The following NAV2 variants were observed in gnomAD, a reference collection of about 807,000 sequenced individuals.
NAV2 encodes helicase, APC down-regulated 1.
Under a neutral mutation model 223.2 loss-of-function variants are expected in NAV2, and 54 were observed. The observed-to-expected ratio is 0.24, with a 90% CI of 0.19 to 0.30. NAV2 has a LOEUF of 0.30. Ranked by LOEUF, NAV2 falls within the 10% of genes least tolerant of loss-of-function variation. The pLI, the probability that NAV2 is intolerant of heterozygous loss-of-function variation, is 1.00. For synonymous variants in NAV2, 1,279 were observed against 1,239.3 expected, an observed-to-expected ratio of 1.03 and a Z score of -0.67; for missense variants, 2,806 against 3,147.5, an observed-to-expected ratio of 0.89 and a Z score of 2.60.
intron 1 of NAV2, among the ~76,000 whole-genome samples, chr11:19,466,211 A>G (rs927519749): frequency 2.0e-5 from 3 of 152,250 alleles, no homozygotes; most frequent in Non-Finnish European, 2.9e-5. Flanking sequence ...GTGACAGGCC[A>G]AGGGAATGGG....
At chr11:19,763,801 T>G (rs1306846233) in intron 1 of NAV2, among the ~76,000 whole-genome samples, 13 of 73,296 alleles carry the variant, frequency 1.8e-4, no homozygotes, top group Middle Eastern at 6.8e-3. Flanking sequence ...GTTTTTTTTG[T>G]TTTTTTTTTA....
Position 19,849,975 on chromosome 11 carries a change from G to GAT in NAV2, c.438+7052_438+7053insAT, listed in dbSNP as rs560465211. The stretch of plus-strand genomic sequence containing the variant: ...CCCATTTCCCTCTCCATACTCTTTA[G>GAT]CACGGAATAGAAGATCCTTCAAGAT... On this transcript the variant is annotated intron_variant, in intron 3 of 37. Transcript: ENST00000349880. Among the ~76,000 whole-genome samples the GAT allele has an allele frequency of 6.8e-4, 104 of 152,160 alleles. 2 individuals carry two copies. The East Asian group carries it at 0.011, about 16-fold the overall frequency.
intron 1 of NAV2, among the ~76,000 whole-genome samples, chr11:19,380,061 C>T (rs1409685516): frequency 6.6e-6 from 1 of 152,112 alleles, no homozygotes; most frequent in African/African-American, 2.4e-5. Flanking sequence ...TTCCAGGCTC[C>T]TGCATAACAC....
chr11:19,727,170 C>T (rs114338058), intron 1 of NAV2, among the ~76,000 whole-genome samples: 4,233 of 152,236 alleles, frequency 0.028, 203 homozygotes, highest in African/African-American at 0.095. Context: ...GAAGGGAAAC[C>T]CAGTCTTCAA....
intron 11 of NAV2, among the ~76,000 whole-genome samples, chr11:20,007,798 G>T (rs867616906): frequency 6.6e-6 from 1 of 152,186 alleles, no homozygotes; most frequent in Admixed American, 6.5e-5. Flanking sequence ...CCACCACTAT[G>T]GGGCTTCAGC....
chr11:19,634,270 C>G (rs1467248368), intron 1 of NAV2, among the ~76,000 whole-genome samples: 1 of 152,158 alleles, frequency 6.6e-6, no homozygotes, highest in Non-Finnish European at 1.5e-5. Context: ...CATCAAGGAA[C>G]AGCCCATCCT....
intron 12 of NAV2, among the ~76,000 whole-genome samples, chr11:20,036,417 T>C (rs1163054619): frequency 1.3e-5 from 2 of 152,202 alleles, no homozygotes; most frequent in African/African-American, 4.8e-5. Flanking sequence ...TGTGGGACTT[T>C]AGCAATTTTC....
At chr11:20,106,153 G>GTA (rs2062016717) in intron 35 of NAV2, among the ~76,000 whole-genome samples, 1 of 17,510 alleles carries the variant, frequency 5.7e-5, no homozygotes, top group Non-Finnish European at 5.3e-4. Context: ...ATGTGTGTGT[G>GTA]TGTATATATA....
At chr11:19,633,482 G>A (rs563913507) in intron 1 of NAV2, among the ~76,000 whole-genome samples, 5 of 152,374 alleles carry the variant, frequency 3.3e-5, no homozygotes, top group African/African-American at 9.6e-5. Context: ...CCTGGAGATT[G>A]AGAAATGTGT....
At chr11:19,959,782 A>C (rs757365948) in intron 10 of NAV2, among the ~76,000 whole-genome samples, 15 of 152,158 alleles carry the variant, frequency 9.9e-5, no homozygotes, top group Non-Finnish European at 1.9e-4. Context: ...GGGAAGCATG[A>C]ACACGATACC....
intron 10 of NAV2, among the ~76,000 whole-genome samples, chr11:19,958,999 T>A (rs560899717): frequency 6.6e-6 from 1 of 152,282 alleles, no homozygotes. Context: ...CTCAGCCTGA[T>A]GTGGGGGCCA....
intron 1 of NAV2, among the ~76,000 whole-genome samples, chr11:19,668,406 A>C (rs1465515630): frequency 3.9e-5 from 6 of 151,900 alleles, no homozygotes; most frequent in Non-Finnish European, 8.8e-5. Flanking sequence ...GGTGACTCAC[A>C]TCTGTAGTCC....
chr11:20,043,920 A>G, intron 12 of NAV2, 61 bp from the exon 13 acceptor site: 1 of 1,549,832 alleles, frequency 6.5e-7, no homozygotes, highest in East Asian at 2.3e-5. Flanking sequence ...TTGCCTTTGG[A>G]GTGAGGGGCT....
chr11:19,444,719 TTATTATTACTAATTATTA>T (rs1309445808), intron 1 of NAV2, among the ~76,000 whole-genome samples: 7 of 151,214 alleles, frequency 4.6e-5, no homozygotes, highest in African/African-American at 1.7e-4. Context: ...TCCTTTATTA[TTATTATTACTAATTATTA>T]TATTATTACT....
chr11:20,074,558 G>A (rs1178059235), intron 22 of NAV2, among the ~76,000 whole-genome samples: 1 of 152,030 alleles, frequency 6.6e-6, no homozygotes, highest in Non-Finnish European at 1.5e-5. Flanking sequence ...CTGTTATTGT[G>A]TGGGAGTCTA....
intron 4 of NAV2, among the ~76,000 whole-genome samples, chr11:19,870,302 G>A (rs1465063917): frequency 1.3e-5 from 2 of 152,134 alleles, no homozygotes; most frequent in African/African-American, 4.8e-5. Flanking sequence ...CCATTCAGAG[G>A]AGCACATGAT....
chr11:19,791,052 A>G (rs772515339), intron 1 of NAV2, among the ~76,000 whole-genome samples: 18 of 152,218 alleles, frequency 1.2e-4, no homozygotes, highest in South Asian at 1.0e-3. Context: ...TAAGGAAACT[A>G]AGTCTCAGAA....
At chr11:20,102,344 G>A (rs964679076) in intron 32 of NAV2, among the ~76,000 whole-genome samples, 3 of 152,166 alleles carry the variant, frequency 2.0e-5, no homozygotes, top group Non-Finnish European at 2.9e-5. Flanking sequence ...TACCCCCTGA[G>A]CAAGCAGGCT....
chr11:19,872,416 C>T (rs1032123273), intron 4 of NAV2, among the ~76,000 whole-genome samples: 1 of 152,226 alleles, frequency 6.6e-6, no homozygotes, highest in Non-Finnish European at 1.5e-5. Context: ...GCTAAACTAC[C>T]CACATCTGCT....
Sources: allele counts gnomAD v4.1 joint callset (sites outside exome capture counted in the v4.1 genomes callset), GRCh38; gene constraint gnomAD v4.1.1; transcripts MANE v1.5; gene names NCBI Gene and HGNC (gene_info 2026-07-23, HGNC 2026-07-21).